The following SV2B variants were observed in gnomAD, a reference collection of about 807,000 sequenced individuals.
SV2B encodes solute carrier family 22 member B2.
Under a neutral mutation model 73.9 loss-of-function variants are expected in SV2B, and 41 were observed. That is an observed-to-expected ratio of 0.56 (90% confidence interval 0.43 to 0.72). The LOEUF (loss-of-function observed/expected upper bound fraction) is 0.72, where lower values mean the gene tolerates loss of function less well. Ranked by LOEUF, SV2B falls within the 30% of genes least tolerant of loss-of-function variation. The probability of loss-of-function intolerance (pLI) is 0.00; values close to 1 mark genes in which losing one functional copy is unlikely to be tolerated. For synonymous variants in SV2B, 314 were observed against 314.2 expected (o/e 1.00, Z 0.01); for missense variants, 764 against 857.8 (o/e 0.89, Z 1.37).
At position 91,197,983 on chromosome 15, in the gene SV2B, C is replaced by T. The variant is rs780592871; in HGVS notation, c.-391-27890C>T. Among the ~76,000 whole-genome samples, 11 of 152,198 alleles carry T rather than the reference C, an allele frequency of 7.2e-5. No individual in the cohort carries two copies. The highest frequency in any genetic ancestry group is 6.2e-4 in the South Asian group (3 of 4,820). On this transcript the variant is annotated intron_variant, in intron 1 of 12. Transcript: ENST00000394232. This position sits in a 1 kb window ranked among gnomAD's most constrained non-coding sequence, Gnocchi z 4.9. ...TGGGAGGCTGGAGGTTACAGTGAACCGAGATCGTGCCATTACACTACAGCC... is the reference window on the plus strand; with the variant it reads ...TGGGAGGCTGGAGGTTACAGTGAACTGAGATCGTGCCATTACACTACAGCC...
chr15:91,191,396 A>G (rs2045023835), intron 1 of SV2B, among the ~76,000 whole-genome samples: 1 of 151,926 alleles, frequency 6.6e-6, no homozygotes, highest in African/African-American at 2.4e-5. Context: ...TTCCACCCTG[A>G]TACATCATCA....
At chr15:91,125,484 A>G (rs747226083) in intron 1 of SV2B, among the ~76,000 whole-genome samples, 6 of 152,022 alleles carry the variant, frequency 3.9e-5, no homozygotes, top group Non-Finnish European at 8.8e-5. Flanking sequence ...AAGAACTTAG[A>G]CATTTGGCCA....
intron 1 of SV2B, among the ~76,000 whole-genome samples, chr15:91,204,042 T>G (rs2045552788): frequency 6.6e-6 from 1 of 152,192 alleles, no homozygotes; most frequent in Non-Finnish European, 1.5e-5. Context: ...GGTTGGGTGG[T>G]TTCCAGGCCC....
rs575819275 is a variant in SV2B at position 91,225,571 on chromosome 15, A to T, written c.-391-302A>T. Among the ~76,000 whole-genome samples, 6 of 152,210 alleles carry T rather than the reference A, an allele frequency of 3.9e-5. No homozygotes were observed. The East Asian group carries it at 1.2e-3, about 29-fold the overall frequency. ...TATTATACTTTAAGTTCTAGGGTAC[A>T]TGTGCACAACGTGCAGGTTCGTTAC... is the stretch of plus-strand genomic sequence containing the variant. On this transcript the variant is annotated intron_variant, in intron 1 of 12. Transcript: ENST00000394232.
In SV2B at chr15:91,267,235, G is replaced by T. The variant is rs2048136812; in HGVS notation, c.1120-320G>T. Among the ~76,000 whole-genome samples the T allele has an allele frequency of 6.6e-6, 1 of 152,212 alleles. No individual in the cohort carries two copies. Among genetic ancestry groups the T allele is most frequent in the South Asian group, 2.1e-4 (1 of 4,824 alleles). On this transcript the variant is annotated intron_variant, in intron 7 of 12. Transcript: ENST00000394232. This position sits in a 1 kb window ranked among gnomAD's most constrained non-coding sequence, Gnocchi z 4.3. ...TTTGCAATATCCCCCTTGCCCACAG[G>T]CAGGGAGTAGAACTCAGCAGTCAAG...
rs1282683771 is a variant in SV2B at position 91,110,982 on chromosome 15, G to T, written c.-392+10619G>T. Among the ~76,000 whole-genome samples, 1 of 152,132 alleles carries T rather than the reference G, an allele frequency of 6.6e-6. No homozygotes were observed. Among genetic ancestry groups the T allele is most frequent in the Admixed American group, 6.5e-5 (1 of 15,276 alleles). ...GACAATGGAGAAGTAGATGAGAAAG[G>T]GTATATGAAAACACGGTGGGGTGCT... is the stretch of plus-strand genomic sequence containing the variant. On this transcript the variant is annotated intron_variant, in intron 1 of 12. Coordinates refer to ENST00000394232, the MANE Select transcript of SV2B (RefSeq NM_001323032.3). The surrounding 1 kb of genome is among the most constrained non-coding windows in gnomAD (Gnocchi z 5.4).
intron 2 of SV2B, among the ~76,000 whole-genome samples, chr15:91,238,380 A>G (rs1159834986): frequency 6.6e-6 from 1 of 152,216 alleles, no homozygotes; most frequent in Non-Finnish European, 1.5e-5. Context: ...CTAAGAGGGT[A>G]AAGTAACTTG....
chr15:91,101,157 G>A (rs985431377), intron 1 of SV2B, among the ~76,000 whole-genome samples: 1 of 152,158 alleles, frequency 6.6e-6, no homozygotes, highest in African/African-American at 2.4e-5. Context: ...GGTGGGGTGG[G>A]ACGCTGGGGG....
rs1220136439 is a variant in SV2B at position 91,105,205 on chromosome 15, G to A, written c.-392+4842G>A. ...GACAAATAATATGTAAGTAAATAAT[G>A]TATGTTTTATATCAGGTGATTAAGG... On this transcript the variant is annotated intron_variant, in intron 1 of 12. Coordinates refer to ENST00000394232, the MANE Select transcript of SV2B (RefSeq NM_001323032.3). This position sits in a 1 kb window ranked among gnomAD's most constrained non-coding sequence, Gnocchi z 5.5. 6.6e-6 allele frequency among the ~76,000 whole-genome samples: 1 copy of A among 152,194 alleles called. No individual in the cohort carries two copies. The highest frequency in any genetic ancestry group is 6.5e-5 in the Admixed American group (1 of 15,286).
intron 9 of SV2B, among the ~76,000 whole-genome samples, chr15:91,272,135 C>T (rs946474341): frequency 2.6e-5 from 4 of 152,080 alleles, no homozygotes; most frequent in African/African-American, 4.8e-5. Context: ...CTTCTAGTGC[C>T]TTTTTGGGGA....
At chr15:91,203,329 C>G (rs1197338329) in intron 1 of SV2B, among the ~76,000 whole-genome samples, 1 of 152,186 alleles carries the variant, frequency 6.6e-6, no homozygotes, top group East Asian at 1.9e-4. Context: ...ATGGGGCAAG[C>G]CTTTGGAACA....
chr15:91,277,109 T>A (rs988420387), intron 9 of SV2B, among the ~76,000 whole-genome samples: 8 of 152,180 alleles, frequency 5.3e-5, no homozygotes, highest in African/African-American at 1.9e-4. Context: ...TAAGTGATTA[T>A]GTCTTGATAT....
chr15:91,120,000 C>T (rs1403064465), intron 1 of SV2B, among the ~76,000 whole-genome samples: 1 of 152,166 alleles, frequency 6.6e-6, no homozygotes, highest in Non-Finnish European at 1.5e-5. Context: ...ATAAGAAATA[C>T]TTATAAGAAA....
chr15:91,129,777 G>A lies in SV2B; in HGVS notation c.-392+29414G>A, dbSNP rs1371749493. Among the ~76,000 whole-genome samples, 1 of 152,232 alleles carries A rather than the reference G, an allele frequency of 6.6e-6. No individual in the cohort carries two copies. The highest frequency in any genetic ancestry group is 1.5e-5 in the Non-Finnish European group (1 of 68,034). ...CCCTGGAGTTGGAGAGCCTGGATTA[G>A]AATCCCAGCCCTGCCACTTACTAAC... On this transcript the variant is annotated intron_variant, in intron 1 of 12. Coordinates refer to ENST00000394232, the MANE Select transcript of SV2B (RefSeq NM_001323032.3). This position sits in a 1 kb window ranked among gnomAD's most constrained non-coding sequence, Gnocchi z 5.1.
chr15:91,147,167 C>T (rs764051174), intron 1 of SV2B, among the ~76,000 whole-genome samples: 18 of 152,234 alleles, frequency 1.2e-4, no homozygotes, highest in Admixed American at 6.5e-4. Context: ...TTAAACTCTT[C>T]ACATGTCTGT....
rs1300410969 is a variant in SV2B, at chr15:91,290,479, G to A, written c.1868+799G>A. ...CAAATGATTATTATTTGAATATGAT[G>A]TGATTTTACATCTAGGAATCCTAAG... On this transcript the variant is annotated intron_variant, in intron 12 of 12. Transcript: ENST00000394232. This position sits in a 1 kb window ranked among gnomAD's most constrained non-coding sequence, Gnocchi z 4.7. Among the ~76,000 whole-genome samples, 1 of 152,176 alleles carries A rather than the reference G, an allele frequency of 6.6e-6. No individual in the cohort carries two copies. Among genetic ancestry groups the A allele is most frequent in the East Asian group, 1.9e-4 (1 of 5,192 alleles).
chr15:91,275,623 G>A lies in SV2B; in HGVS notation c.1374-6105G>A, dbSNP rs573978468. 3.3e-5 allele frequency among the ~76,000 whole-genome samples: 5 copies of A among 152,280 alleles called. No individual in the cohort carries two copies. The South Asian group carries it at 8.3e-4, about 25-fold the overall frequency. Reference sequence around the variant, plus strand: ...GCGGAATGCCTGAGCTCAGGAGTTCGAGACCAGCTTGGGCAACATGGTAAA... The same window carrying A: ...GCGGAATGCCTGAGCTCAGGAGTTCAAGACCAGCTTGGGCAACATGGTAAA... On this transcript the variant is annotated intron_variant, in intron 9 of 12. Transcript: ENST00000394232.
intron 1 of SV2B, among the ~76,000 whole-genome samples, chr15:91,159,465 T>C (rs1304656223): frequency 6.6e-6 from 1 of 152,162 alleles, no homozygotes; most frequent in Non-Finnish European, 1.5e-5. Flanking sequence ...GAAAAAATTA[T>C]ATAGCTAAGC....
chr15:91,259,784 A>G (rs1423678362), intron 5 of SV2B, among the ~76,000 whole-genome samples: 2 of 152,032 alleles, frequency 1.3e-5, no homozygotes, highest in African/African-American at 2.4e-5. Flanking sequence ...GTGTCTCCAT[A>G]TGGAGGTCTT....
Sources: allele counts gnomAD v4.1 joint callset (sites outside exome capture counted in the v4.1 genomes callset), GRCh38; gene constraint gnomAD v4.1.1; non-coding constraint Gnocchi (gnomAD v3.1); transcripts MANE v1.5; gene names NCBI Gene and HGNC (gene_info 2026-07-23, HGNC 2026-07-21).